Variants in PLA2G4E observed in about 807,000 individuals in gnomAD.
PLA2G4E encodes the protein cytosolic phospholipase A2 epsilon.
In PLA2G4E, 84 loss-of-function variants were observed where a neutral mutation model predicts 109.1. The observed-to-expected ratio is 0.77, with a 90% CI of 0.65 to 0.92. PLA2G4E has a LOEUF of 0.92. Ranked by LOEUF, PLA2G4E falls within the 40% of genes least tolerant of loss-of-function variation. The pLI, the probability that PLA2G4E is intolerant of heterozygous loss-of-function variation, is 0.00. For synonymous variants in PLA2G4E, 469 were observed against 436.1 expected (o/e 1.08, Z -0.94); for missense variants, 1,057 against 1,076.6 (o/e 0.98, Z 0.25).
At chr15:42,007,681 G>C (rs138883021) in intron 3 of PLA2G4E, 48 bp downstream of exon 3, 1 of 1,581,546 alleles carries the variant, frequency 6.3e-7, no homozygotes, top group Admixed American at 1.7e-5. Flanking sequence ...GGGCAAGAGG[G>C]GAGTAAAATG....
At chr15:42,001,525 G>C (rs758134449) in intron 6 of PLA2G4E, among the ~76,000 whole-genome samples, 11 of 152,182 alleles carry the variant, frequency 7.2e-5, no homozygotes, top group Non-Finnish European at 1.0e-4. Flanking sequence ...GTTCAGCTCT[G>C]GGCTTTCAAA....
chr15:42,013,831 C>G lies in PLA2G4E; in HGVS notation c.184-74G>C, dbSNP rs990185125. 4 of 1,251,060 alleles carry G rather than the reference C, an allele frequency of 3.2e-6. No homozygotes were observed. The Admixed American group carries it at 8.3e-5, about 26-fold the overall frequency. 77.5% of individuals were successfully genotyped at this position (1,251,060 alleles called of 1,614,324 possible). ...GCCATTGCCCCGGGGGAGACTTTCC[C>G]GCTATGCCTCCTCAGGCCGGCCCAG... On this transcript the variant is annotated intron_variant, in intron 1 of 19. Coordinates refer to ENST00000399518, the Ensembl canonical transcript of PLA2G4E.
At chr15:42,046,598 T>A (rs1038448863) in intron 1 of PLA2G4E, among the ~76,000 whole-genome samples, 3 of 152,232 alleles carry the variant, frequency 2.0e-5, no homozygotes, top group Non-Finnish European at 2.9e-5. Context: ...ATAGCACCAA[T>A]ATCAGAAATA....
At chr15:42,008,776 C>T (rs1167366449) in intron 2 of PLA2G4E, among the ~76,000 whole-genome samples, 1 of 152,102 alleles carries the variant, frequency 6.6e-6, no homozygotes, top group Non-Finnish European at 1.5e-5. Flanking sequence ...AGGGTGAGGC[C>T]CAGGGTACAC....
chr15:42,021,852 A>G (rs2141066027), intron 1 of PLA2G4E, among the ~76,000 whole-genome samples: 1 of 152,290 alleles, frequency 6.6e-6, no homozygotes, highest in African/African-American at 2.4e-5. Context: ...GACCATAGAT[A>G]GAAGTGCTTT....
intron 2 of PLA2G4E, among the ~76,000 whole-genome samples, chr15:42,012,569 C>T (rs1436034964): frequency 1.3e-5 from 2 of 152,138 alleles, no homozygotes; most frequent in Non-Finnish European, 2.9e-5. Flanking sequence ...TCCCCAAGAT[C>T]GGGCTCCCAA....
chr15:41,996,278 G>A (rs2068337013), intron 11 of PLA2G4E, among the ~76,000 whole-genome samples: 1 of 150,160 alleles, frequency 6.7e-6, no homozygotes, highest in African/African-American at 2.5e-5. Flanking sequence ...AGCCTGGGAG[G>A]TGGAGGCTGC....
chr15:41,992,549 C>T (rs1280424433), intron 13 of PLA2G4E, among the ~76,000 whole-genome samples, 188 bp downstream of exon 13: 1 of 152,242 alleles, frequency 6.6e-6, no homozygotes, highest in Non-Finnish European at 1.5e-5. Context: ...AAAGGGTACA[C>T]GGGAGACAAT....
chr15:42,013,665 G>A lies in PLA2G4E; in HGVS notation c.256+20C>T, dbSNP rs1280728959. 4.0e-5 allele frequency: 62 copies of A among 1,543,956 alleles called. No homozygotes were observed. Among genetic ancestry groups the A allele is most frequent in the Non-Finnish European group, 5.2e-5 (59 of 1,141,650 alleles). Reference sequence around the variant, plus strand: ...CAGATCCGGTAAGCAGAGAAGGAGAGAAGTGAGGTGGATACTCACGCATAT... The same window carrying A: ...CAGATCCGGTAAGCAGAGAAGGAGAAAAGTGAGGTGGATACTCACGCATAT... On this transcript the variant is annotated intron_variant, in intron 2 of 19. Transcript: ENST00000399518.
chr15:41,994,506 C>G (rs2068306007), intron 12 of PLA2G4E, among the ~76,000 whole-genome samples: 1 of 151,970 alleles, frequency 6.6e-6, no homozygotes, highest in Non-Finnish European at 1.5e-5. Context: ...TTGATGGGCC[C>G]CACAAAAAAT....
chr15:42,004,748 C>A (rs1173724759), intron 5 of PLA2G4E, among the ~76,000 whole-genome samples, 190 bp downstream of exon 5: 1 of 152,152 alleles, frequency 6.6e-6, no homozygotes, highest in Non-Finnish European at 1.5e-5. Context: ...TGCAGTGGGG[C>A]CCAGGCTCCT....
chr15:42,002,287 A>AAAAC lies in PLA2G4E; in HGVS notation c.609+366_609+367insGTTT, dbSNP rs1555386330. The stretch of plus-strand genomic sequence containing the variant: ...CTCAAAAAAAAAAAAAAAAAAAAAA[A>AAAAC]GGTAAACTGTGCTTGTAGAATTACT... On this transcript the variant is annotated intron_variant, in intron 6 of 19. Coordinates refer to ENST00000399518, the Ensembl canonical transcript of PLA2G4E. Among the ~76,000 whole-genome samples the AAAAC allele has an allele frequency of 4.1e-3, 582 of 140,810 alleles. 19 individuals carry two copies. The highest frequency in any genetic ancestry group is 0.012 in the African/African-American group (422 of 35,700). 92.4% of individuals were successfully genotyped at this position (140,810 alleles called of 152,430 possible).
At chr15:42,045,795 C>T (rs759459048) in intron 1 of PLA2G4E, among the ~76,000 whole-genome samples, 4 of 152,186 alleles carry the variant, frequency 2.6e-5, no homozygotes, top group African/African-American at 4.8e-5. Flanking sequence ...AAACCTTCTA[C>T]ATTCTGCTTT....
rs533453142 is a variant in PLA2G4E at position 42,015,907 on chromosome 15, T to C, written c.184-2150A>G. 5.3e-4 allele frequency among the ~76,000 whole-genome samples: 80 copies of C among 152,380 alleles called. 1 individual carries two copies. Among genetic ancestry groups the C allele is most frequent in the Middle Eastern group, 6.8e-3 (2 of 294 alleles). On this transcript the variant is annotated intron_variant, in intron 1 of 19. Transcript: ENST00000399518. ...GTGTCCTGGTTCTGTTCTTGGTTCATGCCTTTCCTGTTGGAACTCATGACT... is the reference window on the plus strand; with the variant it reads ...GTGTCCTGGTTCTGTTCTTGGTTCACGCCTTTCCTGTTGGAACTCATGACT...
intron 2 of PLA2G4E, among the ~76,000 whole-genome samples, 173 bp from the exon 3 acceptor site, chr15:42,008,038 C>G (rs2068495019): frequency 1.3e-5 from 2 of 152,250 alleles, no homozygotes; most frequent in African/African-American, 4.8e-5. Flanking sequence ...TCACAGATTG[C>G]AGGCTGTGGG....
chr15:41,983,882 C>T, exon 20 of PLA2G4E: 1 of 1,613,510 alleles, frequency 6.2e-7, no homozygotes, highest in South Asian at 1.1e-5. Flanking sequence ...AAGGTGGCCT[C>T]TGTGTATGTC....
intron 1 of PLA2G4E, among the ~76,000 whole-genome samples, chr15:42,031,825 A>G (rs556478949): frequency 6.6e-6 from 1 of 152,282 alleles, no homozygotes; most frequent in African/African-American, 2.4e-5. Context: ...TCCTAGTTCC[A>G]CTGTCTTAAG....
chr15:42,004,998 A>C lies in PLA2G4E; in HGVS notation c.526-20T>G. The C allele has an allele frequency of 6.2e-7, 1 of 1,611,900 alleles. No homozygotes were observed. The highest frequency in any genetic ancestry group is 8.5e-7 in the Non-Finnish European group (1 of 1,179,336). ...CATGCCCTGGTAGGGGAGGGAGGGA[A>C]GGCAGCTGTGAGTGGCGTCTGCACA... On this transcript the variant is annotated intron_variant, in intron 4 of 19. Coordinates refer to ENST00000399518, the Ensembl canonical transcript of PLA2G4E.
At chr15:41,985,923 G>T in exon 18 of PLA2G4E, 2 of 1,608,048 alleles carry the variant, frequency 1.2e-6, no homozygotes, top group Non-Finnish European at 1.7e-6. Context: ...GGTAGCTGGA[G>T]TTGACAAAGA....
Sources: gnomAD v4.1 joint callset for allele counts (sites outside exome capture counted in the v4.1 genomes callset) on GRCh38, gnomAD v4.1.1 for gene constraint, MANE v1.5 for transcripts, NCBI Gene and HGNC (gene_info 2026-07-23, HGNC 2026-07-21) for gene names.